Variants in ZNF517 observed in about 807,000 individuals in gnomAD.
The protein encoded by ZNF517 is zinc finger protein 517.
A neutral mutation model predicts 12.1 loss-of-function variants in ZNF517; 12 were observed. That is an observed-to-expected ratio of 0.99 (90% CI 0.63 to 1.61). The LOEUF (loss-of-function observed/expected upper bound fraction) is 1.61, where lower values mean the gene tolerates loss of function less well. Ranked by LOEUF, ZNF517 falls within the 40% of genes most tolerant of loss-of-function variation. The pLI, the probability that ZNF517 is intolerant of heterozygous loss-of-function variation, is 0.00. For synonymous variants in ZNF517, 388 were observed against 310.2 expected (o/e 1.25, Z -2.63); for missense variants, 781 against 693.2 (o/e 1.13, Z -1.42).
chr8:144,801,531 G>GC (rs1204945957), intron 1 of ZNF517, among the ~76,000 whole-genome samples: 1 of 151,978 alleles, frequency 6.6e-6, no homozygotes, highest in Non-Finnish European at 1.5e-5. Context: ...AGGCTGGAGT[G>GC]CGGTGGCGCG....
chr8:144,813,315 C>CAAA (rs55851018), downstream of ZNF517, among the ~76,000 whole-genome samples: 1 of 103,880 alleles, frequency 9.6e-6, no homozygotes, highest in Admixed American at 1.1e-4. Flanking sequence ...GACTCTGTCT[C>CAAA]AAAAAAAAAA....
In ZNF517 at chr8:144,808,682, C is replaced by A; in HGVS notation, c.*287C>A. On this transcript the variant is annotated 3_prime_UTR_variant, in exon 5 of 5. Coordinates refer to ENST00000359971, the MANE Select transcript of ZNF517 (RefSeq NM_213605.3). ...GGAGAGAGGGAGGGGCAGCTATGCT[C>A]AGTCCCCAAAGAGCAGGGCACAGGG... 3.0e-6 allele frequency: 1 copy of A among 335,974 alleles called. No homozygotes were observed. Among genetic ancestry groups the A allele is most frequent in the Non-Finnish European group, 5.3e-6 (1 of 189,270 alleles). 20.8% of individuals were successfully genotyped at this position (335,974 alleles called of 1,614,324 possible).
Position 144,807,282 on chromosome 8 carries a change from C to A in ZNF517, c.366C>A (p.Leu122=). 1 of 1,556,248 alleles carries A rather than the reference C, an allele frequency of 6.4e-7. No individual in the cohort carries two copies. Among genetic ancestry groups the A allele is most frequent in the South Asian group, 1.2e-5 (1 of 82,016 alleles). Residue 122 remains leucine, a synonymous_variant, in exon 5 of 5, where the codon CTC becomes CTA. Transcript: ENST00000359971. Reference sequence around the variant, plus strand: ...TGCCGGGCACCGTGTGGGGGTGCCTCCCCTGGGGGCACCCTGTGGGGGGGC... The same window carrying A: ...TGCCGGGCACCGTGTGGGGGTGCCTACCCTGGGGGCACCCTGTGGGGGGGC... The part of the protein sequence containing the change: ...AGLPGTVWGC[L]PWGHPVGGHP...
At chr8:144,813,499 C>G (rs1172451419), downstream of ZNF517, among the ~76,000 whole-genome samples, 2 of 151,996 alleles carry the variant, frequency 1.3e-5, no homozygotes, top group African/African-American at 2.4e-5. Flanking sequence ...AGATTAAATG[C>G]AATCCCCATC....
In ZNF517 at chr8:144,807,517, G is replaced by A. The variant is rs772832393; in HGVS notation, c.601G>A (p.Gly201Ser). 8 of 1,593,358 alleles carry A rather than the reference G, an allele frequency of 5.0e-6. No individual in the cohort carries two copies. Among genetic ancestry groups the A allele is most frequent in the South Asian group, 2.3e-5 (2 of 88,450 alleles). ...LLLRHQIIHTGAKPFQCTECG... is the reference protein window; with the variant it reads ...LLLRHQIIHTSAKPFQCTECG... The stretch of plus-strand genomic sequence containing the variant: ...TCTCAGGCACCAGATCATCCACACC[G>A]GCGCCAAGCCCTTCCAGTGCACAGA... The change falls in exon 5 of 5, where the codon GGC becomes AGC. Residue 201 changes from glycine to serine, a missense_variant. Transcript: ENST00000359971.
intron 2 of ZNF517, 61 bp from the exon 3 acceptor site, chr8:144,803,580 C>G: frequency 6.3e-7 from 1 of 1,597,744 alleles, no homozygotes; most frequent in Non-Finnish European, 8.6e-7. Context: ...GCAAATGTTT[C>G]TCATCTGCTG....
At chr8:144,810,307 A>C (rs886434048), downstream of ZNF517, 1 of 563,358 alleles carries the variant, frequency 1.8e-6, no homozygotes, top group Admixed American at 2.7e-5. Flanking sequence ...GGTGTGTCAA[A>C]CTCCATGATG....
intron 1 of ZNF517, 157 bp from the exon 2 acceptor site, chr8:144,802,713 C>G (rs1402420105): frequency 1.0e-6 from 1 of 970,058 alleles, no homozygotes; most frequent in Non-Finnish European, 1.2e-6. Context: ...CATGGAGAAG[C>G]TTGGATACAC....
chr8:144,807,320 C>T lies in ZNF517; in HGVS notation c.404C>T (p.Pro135Leu). ...CCTGTGGGGGGGCACCCTGCACCAC[C>T]CCACCCGCATGGCGGTCCTGAGGAC... The part of the protein sequence containing the change: ...GHPVGGHPAP[P>L]HPHGGPEDGS... The change falls in exon 5 of 5, where the codon CCC becomes CTC. Residue 135 changes from proline (P) to leucine (L), a missense_variant. Pro to Leu is a moderately conservative substitution (Grantham distance 98). Coordinates refer to ENST00000359971, the MANE Select transcript of ZNF517 (RefSeq NM_213605.3). The T allele has an allele frequency of 6.4e-7, 1 of 1,554,004 alleles. No homozygotes were observed. Among genetic ancestry groups the T allele is most frequent in the Non-Finnish European group, 8.7e-7 (1 of 1,148,536 alleles).
chr8:144,804,007 T>C, intron 3 of ZNF517, 118 bp from the exon 4 acceptor site: 11 of 1,124,490 alleles, frequency 9.8e-6, no homozygotes, highest in South Asian at 4.7e-5. Flanking sequence ...CCTTCTGGGA[T>C]AGTGAATGTT....
intron 2 of ZNF517, 40 bp from the exon 3 acceptor site, chr8:144,803,601 G>A (rs369633678): frequency 7.2e-5 from 116 of 1,611,090 alleles, no homozygotes; most frequent in Non-Finnish European, 8.8e-5. Flanking sequence ...GGTTCTCACC[G>A]AGCCCTTGAC....
chr8:144,807,723 C>A lies in ZNF517; in HGVS notation c.807C>A (p.Ala269=). The A allele has an allele frequency of 3.1e-6, 5 of 1,611,822 alleles. No homozygotes were observed. The highest frequency in any genetic ancestry group is 4.2e-6 in the Non-Finnish European group (5 of 1,179,438). ...RPYACGECGK[A]FSRSSRLLQH... ...ACGCATGCGGCGAGTGCGGCAAGGCCTTCAGCCGCAGCTCCCGGCTGCTGC... is the reference window on the plus strand; with the variant it reads ...ACGCATGCGGCGAGTGCGGCAAGGCATTCAGCCGCAGCTCCCGGCTGCTGC... The change falls in exon 5 of 5, where the codon GCC becomes GCA. Residue 269 remains alanine, a synonymous_variant. Transcript: ENST00000359971.
intron 1 of ZNF517, 122 bp from the exon 2 acceptor site, chr8:144,802,748 C>A: frequency 1.4e-6 from 2 of 1,431,190 alleles, no homozygotes; most frequent in Non-Finnish European, 1.8e-6. Flanking sequence ...AAGGAGGCGG[C>A]TGATGTGATT....
At position 144,808,187 on chromosome 8, in the gene ZNF517, T is replaced by C. The variant is rs1001565167; in HGVS notation, c.1271T>C (p.Phe424Ser). The C allele has an allele frequency of 8.1e-6, 13 of 1,607,918 alleles. No individual in the cohort carries two copies. Among genetic ancestry groups the C allele is most frequent in the Non-Finnish European group, 1.1e-5 (13 of 1,177,340 alleles). The change falls in exon 5 of 5, where the codon TTC becomes TCC. Residue 424 changes from phenylalanine to serine, a missense_variant. Coordinates refer to ENST00000359971, the MANE Select transcript of ZNF517 (RefSeq NM_213605.3). ...AAGATCCACACCAAGGAGAAGCCCT[T>C]CGCGTGCACCGAGTGCGGCAAGGCG... is the stretch of plus-strand genomic sequence containing the variant. ...HQKIHTKEKP[F>S]ACTECGKAFR...
chr8:144,804,218 C>T lies in ZNF517; in HGVS notation c.254C>T (p.Ala85Val). 2 of 1,613,812 alleles carry T rather than the reference C, an allele frequency of 1.2e-6. No individual in the cohort carries two copies. Among genetic ancestry groups the T allele is most frequent in the Non-Finnish European group, 1.7e-6 (2 of 1,179,888 alleles). ...CTGCAGGTGGCTGAACAGAGCGTGG[C>T]CAAAGCCAGCCTGTGCACAGGTGAG... ...LILQVAEQSV[A>V]KASLCTDSRM... Residue 85 changes from alanine to valine, a missense_variant, in exon 4 of 5, where the codon GCC becomes GTC. Coordinates refer to ENST00000359971, the MANE Select transcript of ZNF517 (RefSeq NM_213605.3).
rs574372198 is a variant in ZNF517, at chr8:144,801,753, C to A, written c.-45-1117C>A. On this transcript the variant is annotated intron_variant, in intron 1 of 4. Coordinates refer to ENST00000359971, the MANE Select transcript of ZNF517 (RefSeq NM_213605.3). The stretch of plus-strand genomic sequence containing the variant: ...TTAAATTAGAAAAATAGAAAGAGGC[C>A]GGGTGTGGTGGCTCACACCTGTAAT... Among the ~76,000 whole-genome samples the A allele has an allele frequency of 3.9e-5, 6 of 152,134 alleles. No homozygotes were observed. In the South Asian group the frequency reaches 1.2e-3, roughly 32 times the overall value.
At position 144,807,397 on chromosome 8, in the gene ZNF517, A is replaced by G. The variant is rs777346926; in HGVS notation, c.481A>G (p.Arg161Gly). 6 of 1,560,334 alleles carry G rather than the reference A, an allele frequency of 3.8e-6. No individual in the cohort carries two copies. Among genetic ancestry groups the G allele is most frequent in the East Asian group, 4.8e-5 (2 of 41,330 alleles). ...GGCTCGGGAGCACAGCGCCTCCCCA[A>G]GGGTTCTGCAGGAAGACCTGGGCCG... is the stretch of plus-strand genomic sequence containing the variant. ...PRAREHSASP[R>G]VLQEDLGRPV... The change falls in exon 5 of 5, where the codon AGG becomes GGG. Residue 161 changes from arginine (R) to glycine (G), a missense_variant. Arg to Gly is a moderately radical substitution (Grantham distance 125). Coordinates refer to ENST00000359971, the MANE Select transcript of ZNF517 (RefSeq NM_213605.3).
At chr8:144,812,668 AC>A, downstream of ZNF517, among the ~76,000 whole-genome samples, 1 of 152,226 alleles carries the variant, frequency 6.6e-6, no homozygotes, top group East Asian at 1.9e-4. Flanking sequence ...TCTTCCTGTT[AC>A]ATGGATCTCT....
chr8:144,808,049 G>A lies in ZNF517; in HGVS notation c.1133G>A (p.Arg378Gln), dbSNP rs1483683848. Reference sequence around the variant, plus strand: ...TGCCCGGTGTGCGGGAGGCCGTTCCGACACAACTCCCTGCTGCTGCTGCAC... The same window carrying A: ...TGCCCGGTGTGCGGGAGGCCGTTCCAACACAACTCCCTGCTGCTGCTGCAC... ...HECPVCGRPF[R>Q]HNSLLLLHLR... is the part of the protein sequence containing the mutation. The change falls in exon 5 of 5, where the codon CGA (arginine) becomes CAA (glutamine). Residue 378 changes from arginine to glutamine, a missense_variant. By Grantham distance (43) the Arg-to-Gln change is conservative. Coordinates refer to ENST00000359971, the MANE Select transcript of ZNF517 (RefSeq NM_213605.3). 3 of 1,604,850 alleles carry A rather than the reference G, an allele frequency of 1.9e-6. No individual in the cohort carries two copies. The highest frequency in any genetic ancestry group is 1.1e-5 in the South Asian group (1 of 90,038).
Sources: gnomAD v4.1 joint callset for allele counts (sites outside exome capture counted in the v4.1 genomes callset) on GRCh38, gnomAD v4.1.1 for gene constraint, MANE v1.5 for transcripts, NCBI Gene and HGNC (gene_info 2026-07-23, HGNC 2026-07-21) for gene names.